C12orf42: variants seen among roughly 807,000 people sequenced by gnomAD.
The protein encoded by C12orf42 is uncharacterized protein C12orf42.
In C12orf42, 25 loss-of-function variants were observed where a neutral mutation model predicts 21.6. The ratio of observed to expected loss-of-function variants is 1.16; its 90% CI spans 0.84 to 1.62. The LOEUF (loss-of-function observed/expected upper bound fraction) is 1.62, where lower values mean the gene tolerates loss of function less well. Among genes scored for constraint, C12orf42 ranks in the 40% most tolerant of loss-of-function variants. The pLI is 0.00. For synonymous variants in C12orf42, 174 were observed against 175.0 expected (o/e 0.99, Z 0.05); for missense variants, 483 against 459.3 (o/e 1.05, Z -0.47).
At chr12:103,309,998 T>C (rs1197213644) in intron 4 of C12orf42, among the ~76,000 whole-genome samples, 2 of 152,230 alleles carry the variant, frequency 1.3e-5, no homozygotes, top group African/African-American at 4.8e-5. Flanking sequence ...ATCCTATCTT[T>C]TATTGCCATG....
the C12orf42 span, among the ~76,000 whole-genome samples, chr12:103,093,028 ACT>A: frequency 1.3e-5 from 2 of 152,050 alleles, no homozygotes; most frequent in South Asian, 4.2e-4. Flanking sequence ...CTTGCATAGG[ACT>A]CTGTTTCCTG....
intron 2 of C12orf42, among the ~76,000 whole-genome samples, chr12:103,435,864 A>G (rs1950658027): frequency 6.6e-6 from 1 of 151,908 alleles, no homozygotes; most frequent in Non-Finnish European, 1.5e-5. Flanking sequence ...CAATCTAGCA[A>G]GGCAGGCCAA....
downstream of C12orf42, among the ~76,000 whole-genome samples, chr12:103,267,052 A>G (rs1225164970): frequency 6.6e-6 from 1 of 152,122 alleles, no homozygotes; most frequent in African/African-American, 2.4e-5. Context: ...AGCAGTGGGC[A>G]CCTATTTTCA....
At chr12:103,134,435 C>T in the C12orf42 span, among the ~76,000 whole-genome samples, 1 of 151,954 alleles carries the variant, frequency 6.6e-6, no homozygotes, top group Non-Finnish European at 1.5e-5. Context: ...AACCAAGAGT[C>T]ATTCTAGAAC....
At chr12:103,563,684 G>A in the C12orf42 span, among the ~76,000 whole-genome samples, 1 of 152,304 alleles carries the variant, frequency 6.6e-6, no homozygotes, top group East Asian at 1.9e-4. Context: ...AGCAGGTCAT[G>A]ATCCACATGA....
intron 2 of C12orf42, among the ~76,000 whole-genome samples, chr12:103,448,877 A>C (rs1472114829): frequency 6.6e-6 from 1 of 152,072 alleles, no homozygotes; most frequent in Non-Finnish European, 1.5e-5. Context: ...AGTATACAAC[A>C]CAGTGTGGAG....
chr12:103,121,201 T>G, the C12orf42 span, among the ~76,000 whole-genome samples: 1 of 152,232 alleles, frequency 6.6e-6, no homozygotes. Flanking sequence ...CAGGCAGAGT[T>G]CAAAATCAAT....
intron 2 of C12orf42, among the ~76,000 whole-genome samples, chr12:103,443,757 G>A (rs555897934): frequency 6.6e-6 from 1 of 152,056 alleles, no homozygotes; most frequent in South Asian, 2.1e-4. Flanking sequence ...ACCATAAAGG[G>A]TAGAAAAAGG....
At chr12:103,105,722 C>T in the C12orf42 span, among the ~76,000 whole-genome samples, 9 of 151,368 alleles carry the variant, frequency 5.9e-5, no homozygotes, top group South Asian at 4.2e-4. Context: ...CTACAAGGTA[C>T]GGCTTAAAAT....
chr12:103,080,325 T>C, the C12orf42 span, among the ~76,000 whole-genome samples: 4 of 152,204 alleles, frequency 2.6e-5, no homozygotes, highest in African/African-American at 9.7e-5. Context: ...TTCATGCTTG[T>C]ATGTTTTCAT....
At chr12:103,449,325 T>TTG (rs1270140414) in intron 2 of C12orf42, among the ~76,000 whole-genome samples, 1 of 151,872 alleles carries the variant, frequency 6.6e-6, no homozygotes, top group Admixed American at 6.6e-5. Context: ...ACAATGGACT[T>TTG]TGGGGACTTG....
At chr12:103,545,387 C>T in the C12orf42 span, among the ~76,000 whole-genome samples, 1 of 151,876 alleles carries the variant, frequency 6.6e-6, no homozygotes, top group East Asian at 1.9e-4. Flanking sequence ...ATATAAAAAA[C>T]ATTTAAATAT....
chr12:103,284,102 A>G (rs1388183429), intron 4 of C12orf42, among the ~76,000 whole-genome samples: 1 of 152,184 alleles, frequency 6.6e-6, no homozygotes, highest in Non-Finnish European at 1.5e-5. Context: ...ACTACACCTG[A>G]GTGTGACACC....
At chr12:103,386,927 G>A (rs762346678) in intron 3 of C12orf42, among the ~76,000 whole-genome samples, 22 of 152,112 alleles carry the variant, frequency 1.4e-4, no homozygotes, top group Admixed American at 6.5e-4. Context: ...GGACAGTCCC[G>A]TTAAACCAAA....
intron 2 of C12orf42, among the ~76,000 whole-genome samples, chr12:103,464,267 T>G (rs951586283): frequency 1.3e-5 from 2 of 152,248 alleles, no homozygotes; most frequent in African/African-American, 4.8e-5. Context: ...ATTGCCATTC[T>G]GACTGGCATA....
Position 103,338,633 on chromosome 12 carries a change from T to G in C12orf42, c.259+30254A>C, listed in dbSNP as rs761939561. Among the ~76,000 whole-genome samples the G allele has an allele frequency of 4.3e-4, 66 of 152,266 alleles. 1 individual carries two copies. The highest frequency in any genetic ancestry group is 8.8e-4 in the Non-Finnish European group (60 of 68,042). ...AGATAAGAGCCTCCTAAAGTGTTTT[T>G]ATTTTTTCCCAACATATTCGCCCTT... is the stretch of plus-strand genomic sequence containing the variant. On this transcript the variant is annotated intron_variant, in intron 4 of 5. Coordinates refer to ENST00000548883, the MANE Select transcript of C12orf42 (RefSeq NM_198521.5).
chr12:103,445,249 C>T lies in C12orf42; in HGVS notation c.78+33100G>A, dbSNP rs140669620. Among the ~76,000 whole-genome samples the T allele has an allele frequency of 2.5e-3, 387 of 152,172 alleles. 1 individual carries two copies. Among genetic ancestry groups the T allele is most frequent in the Middle Eastern group, 0.014 (4 of 294 alleles). On this transcript the variant is annotated intron_variant, in intron 2 of 5. Coordinates refer to ENST00000548883, the MANE Select transcript of C12orf42 (RefSeq NM_198521.5). ...AACCCAGCTGGTGTCCACTGCAGAA[C>T]TGATTGCTTGTTTGTTGGTGGGGAA...
At chr12:103,324,742 A>G (rs938907732) in intron 4 of C12orf42, among the ~76,000 whole-genome samples, 11 of 152,142 alleles carry the variant, frequency 7.2e-5, no homozygotes, top group Non-Finnish European at 1.2e-4. Flanking sequence ...CGGTTCTTAC[A>G]GCCACTCTAG....
chr12:103,083,505 T>C, the C12orf42 span, among the ~76,000 whole-genome samples: 561 of 152,308 alleles, frequency 3.7e-3, 4 homozygotes, highest in African/African-American at 0.013. Context: ...GCCAAACTAG[T>C]TCATCTCTGT....
Sources: gnomAD v4.1 joint callset for allele counts (sites outside exome capture counted in the v4.1 genomes callset) on GRCh38, gnomAD v4.1.1 for gene constraint, MANE v1.5 for transcripts, NCBI Gene and HGNC (gene_info 2026-07-23, HGNC 2026-07-21) for gene names.